Variants in PRKCH observed in about 807,000 individuals in gnomAD.
PRKCH encodes protein kinase C eta type.
Under a neutral mutation model 82.5 loss-of-function variants are expected in PRKCH, and 28 were observed. That is an observed-to-expected ratio of 0.34 (90% confidence interval 0.25 to 0.47). PRKCH has a LOEUF of 0.47. Among genes scored for constraint, PRKCH ranks in the 20% least tolerant of loss-of-function variants. PRKCH has a pLI of 1.00. For missense variants in PRKCH, 705 were observed against 881.8 expected (o/e 0.80, Z 2.54); for synonymous variants, 322 against 327.4 (o/e 0.98, Z 0.18).
intron 12 of PRKCH, among the ~76,000 whole-genome samples, chr14:61,532,528 G>A (rs1332916856): frequency 1.3e-5 from 2 of 152,118 alleles, no homozygotes; most frequent in African/African-American, 4.8e-5. Context: ...TCATTCTCGT[G>A]TTTCAGAGTC....
chr14:61,475,329 A>T lies in PRKCH; in HGVS notation c.1279-10173A>T, dbSNP rs145962529. Among the ~76,000 whole-genome samples, 951 of 152,352 alleles carry T rather than the reference A, an allele frequency of 6.2e-3. 11 individuals are homozygous for T. Among genetic ancestry groups the T allele is most frequent in the African/African-American group, 0.022 (913 of 41,584 alleles). On this transcript the variant is annotated intron_variant, in intron 9 of 13. Transcript: ENST00000332981. ...AACCTTTTTTAAAAAGTAGATAATC[A>T]TCCAAGATATCTTCTTTGTGACTCT... is the stretch of plus-strand genomic sequence containing the variant.
At chr14:61,458,395 A>G (rs1428640148) in intron 9 of PRKCH, among the ~76,000 whole-genome samples, 1 of 152,256 alleles carries the variant, frequency 6.6e-6, no homozygotes, top group Non-Finnish European at 1.5e-5. Flanking sequence ...TTTGTTGCTC[A>G]GTGACATTGG....
intron 1 of PRKCH, among the ~76,000 whole-genome samples, chr14:61,227,479 A>C (rs1278175353): frequency 1.3e-5 from 2 of 152,188 alleles, no homozygotes; most frequent in East Asian, 3.9e-4. Flanking sequence ...CCGTAGTCCC[A>C]GCGACTCGGG....
intron 4 of PRKCH, among the ~76,000 whole-genome samples, chr14:61,446,239 A>G (rs1884218003): frequency 6.6e-6 from 1 of 152,158 alleles, no homozygotes; most frequent in East Asian, 1.9e-4. Flanking sequence ...AAGTTACTAC[A>G]TGTTATATTT....
Position 61,449,358 on chromosome 14 carries a change from T to A in PRKCH, c.702+106T>A, listed in dbSNP as rs1884379543. The A allele has an allele frequency of 1.6e-5, 15 of 940,540 alleles. No homozygotes were observed. The South Asian group carries it at 2.3e-4, about 14-fold the overall frequency. The allele number at this position is 940,540 out of a possible 1,614,324, so 58.3% of individuals were successfully genotyped here. On this transcript the variant is annotated intron_variant, in intron 5 of 13. Transcript: ENST00000332981. ...TCCTTTCCTCCCCCTCTTTTCCTTC[T>A]CCCCGTCCCCAAACCTCTGCTTTCC...
chr14:61,465,388 A>G (rs970898416), intron 9 of PRKCH, among the ~76,000 whole-genome samples: 3 of 152,068 alleles, frequency 2.0e-5, no homozygotes, highest in Non-Finnish European at 4.4e-5. Context: ...TCCATTTTTC[A>G]GTGATTTTTT....
At chr14:61,282,701 T>C (rs2000075) in intron 1 of PRKCH, among the ~76,000 whole-genome samples, 117,540 of 152,110 alleles carry the variant, frequency 0.77, 46,350 homozygotes, top group Middle Eastern at 0.85. Flanking sequence ...ACAAGTCACA[T>C]TAAAATTAAA....
rs367553114 is a variant in PRKCH, at chr14:61,540,886, C to T, written c.1762-6857C>T. ...TCCAGTATTCCATAGCAGCACCATT[C>T]GGTATAAGAACCTAGACTTGGGAAG... On this transcript the variant is annotated intron_variant, in intron 12 of 13. Transcript: ENST00000332981. 7.9e-5 allele frequency among the ~76,000 whole-genome samples: 12 copies of T among 152,294 alleles called. No individual in the cohort carries two copies. In the South Asian group the frequency reaches 1.9e-3, roughly 24 times the overall value.
At chr14:61,321,403 C>T (rs886090098), upstream of PRKCH, among the ~76,000 whole-genome samples, 5 of 152,228 alleles carry the variant, frequency 3.3e-5, no homozygotes, top group African/African-American at 9.6e-5. This position sits in a 1 kb window ranked among gnomAD's most constrained non-coding sequence, Gnocchi z 4.1. Context: ...CGGGGTGGCC[C>T]CTAACCCGCA....
chr14:61,459,867 G>A (rs1884950687), intron 9 of PRKCH, among the ~76,000 whole-genome samples: 1 of 152,036 alleles, frequency 6.6e-6, no homozygotes, highest in Non-Finnish European at 1.5e-5. Flanking sequence ...TATTTTTTGA[G>A]ACAGGGTCTC....
chr14:61,409,636 A>G (rs981413221), intron 2 of PRKCH, among the ~76,000 whole-genome samples: 2 of 144,856 alleles, frequency 1.4e-5, no homozygotes, highest in Non-Finnish European at 3.0e-5. Flanking sequence ...TTGAGGCTGC[A>G]GTGAGCCATG....
At chr14:61,373,900 G>A (rs1247907905) in intron 1 of PRKCH, among the ~76,000 whole-genome samples, 1 of 152,124 alleles carries the variant, frequency 6.6e-6, no homozygotes, top group Non-Finnish European at 1.5e-5. Context: ...ACCATGCTTG[G>A]CCTGTCCACC....
chr14:61,199,237 A>G (rs1429080490), intron 1 of PRKCH, among the ~76,000 whole-genome samples: 1 of 152,228 alleles, frequency 6.6e-6, no homozygotes, highest in Non-Finnish European at 1.5e-5. Flanking sequence ...TCCTTGATGA[A>G]CTAAGAACTC....
At chr14:61,519,185 G>A (rs969190713) in intron 10 of PRKCH, among the ~76,000 whole-genome samples, 4 of 152,070 alleles carry the variant, frequency 2.6e-5, no homozygotes, top group Non-Finnish European at 4.4e-5. Flanking sequence ...TGGAGGCCGA[G>A]GTGAGAGGAT....
At chr14:61,245,449 ACT>A (rs1207679809) in intron 1 of PRKCH, among the ~76,000 whole-genome samples, 5 of 152,200 alleles carry the variant, frequency 3.3e-5, no homozygotes, top group Non-Finnish European at 7.3e-5. Context: ...ATGGCAGGAA[ACT>A]CTCAAAAGAG....
chr14:61,429,274 A>T (rs1420387008), intron 2 of PRKCH, among the ~76,000 whole-genome samples: 3 of 152,214 alleles, frequency 2.0e-5, no homozygotes, highest in African/African-American at 7.2e-5. Flanking sequence ...TTTCATCAGG[A>T]TTACTATGTT....
At chr14:61,236,028 G>A (rs1217256706) in intron 1 of PRKCH, among the ~76,000 whole-genome samples, 1 of 152,132 alleles carries the variant, frequency 6.6e-6, no homozygotes, top group Non-Finnish European at 1.5e-5. Context: ...TGGAATTCAG[G>A]CATAATTGAC....
chr14:61,277,243 G>A (rs1206098156), intron 1 of PRKCH: 2 of 152,044 alleles, frequency 1.3e-5, no homozygotes, highest in African/African-American at 4.8e-5. Flanking sequence ...TGAGCAAATT[G>A]GTTAGTTGAT....
At chr14:61,436,713 A>G (rs1171380775) in intron 2 of PRKCH, among the ~76,000 whole-genome samples, 21 of 152,122 alleles carry the variant, frequency 1.4e-4, no homozygotes, top group Admixed American at 1.2e-3. Flanking sequence ...TTGTATTTTT[A>G]ATAGAGATGG....
Sources: allele counts gnomAD v4.1 joint callset (sites outside exome capture counted in the v4.1 genomes callset), GRCh38; gene constraint gnomAD v4.1.1; non-coding constraint Gnocchi (gnomAD v3.1); transcripts MANE v1.5; gene names NCBI Gene and HGNC (gene_info 2026-07-23, HGNC 2026-07-21).